SDC2: variants seen among roughly 807,000 people sequenced by gnomAD.
SDC2 encodes the protein syndecan 2.
Under a neutral mutation model 22.2 loss-of-function variants are expected in SDC2, and 13 were observed. The observed-to-expected ratio is 0.59, with a 90% CI of 0.38 to 0.93. The LOEUF is 0.93. Among genes scored for constraint, SDC2 ranks in the 40% least tolerant of loss-of-function variants. SDC2 has a pLI of 0.00. For synonymous variants in SDC2, 94 were observed against 92.8 expected, an observed-to-expected ratio of 1.01 and a Z score of -0.07; for missense variants, 235 against 246.8, an observed-to-expected ratio of 0.95 and a Z score of 0.32.
chr8:96,606,483 C>T (rs1815082338), intron 3 of SDC2, among the ~76,000 whole-genome samples: 1 of 152,154 alleles, frequency 6.6e-6, no homozygotes, highest in African/African-American at 2.4e-5. Flanking sequence ...GGTTCTTAAA[C>T]TATGGAATTG....
At chr8:96,562,625 TGA>T (rs1468810560) in intron 1 of SDC2, among the ~76,000 whole-genome samples, 6 of 152,196 alleles carry the variant, frequency 3.9e-5, no homozygotes, top group African/African-American at 1.4e-4. Context: ...TTCTAACTGA[TGA>T]GATAATTACA....
intron 2 of SDC2, among the ~76,000 whole-genome samples, chr8:96,594,338 C>T (rs570624440): frequency 1.3e-5 from 2 of 152,110 alleles, no homozygotes; most frequent in African/African-American, 2.4e-5. Context: ...TTGCAGCTTT[C>T]GGGTACTCAT....
rs566384790 is a variant in SDC2 at position 96,500,933 on chromosome 8, C to T, written c.60+6602C>T. ...AGCCTTGAAATCTTTGGAGATTTTC[C>T]ATTTGCATTTCACATCAGCAGAGTG... On this transcript the variant is annotated intron_variant, in intron 1 of 4. Coordinates refer to ENST00000302190, the MANE Select transcript of SDC2 (RefSeq NM_002998.4). Among the ~76,000 whole-genome samples, 3 of 152,256 alleles carry T rather than the reference C, an allele frequency of 2.0e-5. No homozygotes were observed. In the South Asian group the frequency reaches 6.2e-4, roughly 32 times the overall value.
At chr8:96,568,273 G>A (rs1814333378) in intron 1 of SDC2, among the ~76,000 whole-genome samples, 1 of 152,204 alleles carries the variant, frequency 6.6e-6, no homozygotes, top group Non-Finnish European at 1.5e-5. Flanking sequence ...AAAATGAAAT[G>A]TTATCTGTAA....
At chr8:96,565,581 G>A (rs186083075) in intron 1 of SDC2, among the ~76,000 whole-genome samples, 63 of 152,250 alleles carry the variant, frequency 4.1e-4, no homozygotes, top group Admixed American at 2.2e-3. Flanking sequence ...GGGAGACAGA[G>A]AATTGAAAAT....
At chr8:96,573,271 T>C (rs1814427371) in intron 1 of SDC2, among the ~76,000 whole-genome samples, 1 of 6,560 alleles carries the variant, frequency 1.5e-4, no homozygotes, top group Admixed American at 9.1e-4. Flanking sequence ...GACTTCAGGA[T>C]GGATGCTCTT....
chr8:96,503,280 A>G (rs1053171139), intron 1 of SDC2, among the ~76,000 whole-genome samples: 1 of 152,246 alleles, frequency 6.6e-6, no homozygotes, highest in Non-Finnish European at 1.5e-5. Flanking sequence ...AATAGTTAAA[A>G]AAATGGAAAC....
chr8:96,604,581 C>G (rs1262509119), intron 3 of SDC2, among the ~76,000 whole-genome samples: 2 of 152,088 alleles, frequency 1.3e-5, no homozygotes, highest in African/African-American at 4.8e-5. Flanking sequence ...TCTAGGATAC[C>G]ATTAGTGTAG....
At chr8:96,530,463 G>A (rs1003674959) in intron 1 of SDC2, among the ~76,000 whole-genome samples, 6 of 152,100 alleles carry the variant, frequency 3.9e-5, no homozygotes, top group East Asian at 3.9e-4. Flanking sequence ...GTGAAACCCC[G>A]TCTCTACTAA....
At chr8:96,600,424 T>C (rs1378563119) in intron 2 of SDC2, among the ~76,000 whole-genome samples, 1 of 152,176 alleles carries the variant, frequency 6.6e-6, no homozygotes, top group Admixed American at 6.5e-5. Flanking sequence ...GCTATTCTAG[T>C]GAAAAGGCAA....
rs996565697 is a variant in SDC2 at position 96,611,364 on chromosome 8, A to G, written c.*1816A>G. Reference sequence around the variant, plus strand: ...CTTTTCCAACATACAATTTACTTTTAATAAAGTATGAATATTTCATTTTGA... The same window carrying G: ...CTTTTCCAACATACAATTTACTTTTGATAAAGTATGAATATTTCATTTTGA... On this transcript the variant is annotated 3_prime_UTR_variant, in exon 5 of 5. Transcript: ENST00000302190. The G allele has an allele frequency of 6.6e-6, 1 of 151,748 alleles. No individual in the cohort carries two copies. Among genetic ancestry groups the G allele is most frequent in the Non-Finnish European group, 1.5e-5 (1 of 67,900 alleles). The allele number at this position is 151,748 out of a possible 1,614,324, so 9.4% of individuals were successfully genotyped here. A position where few individuals can be genotyped will look rare whatever the true frequency, so the allele number is the denominator to read the frequency against.
At chr8:96,513,240 G>A (rs2130444630) in intron 1 of SDC2, among the ~76,000 whole-genome samples, 2 of 152,268 alleles carry the variant, frequency 1.3e-5, no homozygotes, top group South Asian at 4.1e-4. Flanking sequence ...TGGATTGTAG[G>A]CACATCTGCT....
intron 1 of SDC2, among the ~76,000 whole-genome samples, chr8:96,534,969 A>C (rs1449032992): frequency 6.6e-6 from 1 of 151,306 alleles, no homozygotes; most frequent in Non-Finnish European, 1.5e-5. Flanking sequence ...AATATTGGGC[A>C]CCCAGTTAAG....
intron 2 of SDC2, among the ~76,000 whole-genome samples, chr8:96,602,179 T>C (rs952438428): frequency 1.3e-5 from 2 of 152,196 alleles, no homozygotes; most frequent in Admixed American, 6.5e-5. Flanking sequence ...AGGATAATAC[T>C]ATTAAGGAAA....
chr8:96,573,211 T>C (rs1417630300), intron 1 of SDC2, among the ~76,000 whole-genome samples: 1 of 152,028 alleles, frequency 6.6e-6, no homozygotes, highest in Non-Finnish European at 1.5e-5. Flanking sequence ...AATTATTGTC[T>C]CATTTTATAG....
At chr8:96,565,931 A>T (rs1035457326) in intron 1 of SDC2, among the ~76,000 whole-genome samples, 2 of 150,734 alleles carry the variant, frequency 1.3e-5, no homozygotes, top group South Asian at 4.3e-4. Flanking sequence ...TTAGTGAAAA[A>T]TATGCCACCG....
At chr8:96,582,090 A>G (rs1814599080) in intron 1 of SDC2, among the ~76,000 whole-genome samples, 1 of 152,148 alleles carries the variant, frequency 6.6e-6, no homozygotes, top group African/African-American at 2.4e-5. Flanking sequence ...GGGGAATTTC[A>G]TGCATTTTCT....
intron 1 of SDC2, among the ~76,000 whole-genome samples, chr8:96,539,984 A>G (rs541415962): frequency 1.3e-5 from 2 of 152,276 alleles, no homozygotes; most frequent in Non-Finnish European, 2.9e-5. Flanking sequence ...TGACCAGTTA[A>G]CTTGGTTGGG....
chr8:96,587,235 C>G (rs1814701893), intron 1 of SDC2, among the ~76,000 whole-genome samples: 1 of 152,144 alleles, frequency 6.6e-6, no homozygotes, highest in Admixed American at 6.5e-5. Flanking sequence ...AAAGACCTTT[C>G]TTAAGAATTT....
Sources: gnomAD v4.1 joint callset for allele counts (sites outside exome capture counted in the v4.1 genomes callset) on GRCh38, gnomAD v4.1.1 for gene constraint, MANE v1.5 for transcripts, NCBI Gene and HGNC (gene_info 2026-07-23, HGNC 2026-07-21) for gene names.